The following PRKN variants were observed in gnomAD, a reference collection of about 807,000 sequenced individuals.
PRKN encodes the protein parkin RBR E3 ubiquitin protein ligase.
A neutral mutation model predicts 59.5 loss-of-function variants in PRKN; 56 were observed. The observed-to-expected ratio is 0.94, with a 90% CI of 0.76 to 1.18. The LOEUF (loss-of-function observed/expected upper bound fraction) is 1.18. Among genes scored for constraint, PRKN ranks in the 50% most tolerant of loss-of-function variants. The pLI is 0.00. For synonymous variants in PRKN, 250 were observed against 222.1 expected, an observed-to-expected ratio of 1.13 and a Z score of -1.12; for missense variants, 657 against 596.4, an observed-to-expected ratio of 1.10 and a Z score of -1.06.
chr6:161,867,901 C>T (rs990505577), intron 6 of PRKN, among the ~76,000 whole-genome samples: 4 of 151,882 alleles, frequency 2.6e-5, no homozygotes, highest in African/African-American at 9.7e-5. Flanking sequence ...GCTGGGATTA[C>T]AGGCATGCAC....
chr6:162,530,943 G>A (rs1778485793), intron 1 of PRKN, among the ~76,000 whole-genome samples: 1 of 151,264 alleles, frequency 6.6e-6, no homozygotes, highest in Non-Finnish European at 1.5e-5. Context: ...TGTGGTCCCA[G>A]TTACTTGGTA....
intron 2 of PRKN, among the ~76,000 whole-genome samples, chr6:162,335,685 A>C (rs555954975): frequency 3.3e-5 from 5 of 152,136 alleles, no homozygotes; most frequent in African/African-American, 1.2e-4. Context: ...TAATTACATC[A>C]AACTGCTCTT....
At position 161,593,245 on chromosome 6, in the gene PRKN, T is replaced by A. The variant is rs548935658; in HGVS notation, c.872-23829A>T. ...CATCCCAGGAGCTGTTCCGAGTGCT[T>A]CGCATGGATCACCTCCTTAGTCCTT... On this transcript the variant is annotated intron_variant, in intron 7 of 11. Transcript: ENST00000366898. The surrounding 1 kb of genome is among the most constrained non-coding windows in gnomAD (Gnocchi z 4.8). Among the ~76,000 whole-genome samples the A allele has an allele frequency of 6.6e-6, 1 of 152,348 alleles. No homozygotes were observed. The highest frequency in any genetic ancestry group is 6.5e-5 in the Admixed American group (1 of 15,306).
chr6:162,616,559 A>C (rs923151938), intron 1 of PRKN, among the ~76,000 whole-genome samples: 1 of 152,118 alleles, frequency 6.6e-6, no homozygotes, highest in African/African-American at 2.4e-5. Flanking sequence ...CTCACTACAC[A>C]GTTTTTACAC....
intron 2 of PRKN, among the ~76,000 whole-genome samples, chr6:162,367,854 A>T (rs1785537271): frequency 1.3e-5 from 2 of 152,188 alleles, no homozygotes; most frequent in Non-Finnish European, 2.9e-5. Context: ...AGGACTCAGG[A>T]AACTCAAGAA....
chr6:162,278,967 A>AAAT (rs1554294656), intron 2 of PRKN, among the ~76,000 whole-genome samples: 1 of 152,084 alleles, frequency 6.6e-6, no homozygotes, highest in African/African-American at 2.4e-5. Flanking sequence ...TTTTTAAAAA[A>AAAT]TTTTTTAAAG....
At chr6:162,437,170 C>G (rs1304353085) in intron 2 of PRKN, among the ~76,000 whole-genome samples, 1 of 152,164 alleles carries the variant, frequency 6.6e-6, no homozygotes, top group Admixed American at 6.5e-5. Context: ...TCACCCTGTA[C>G]TCTTAGTATG....
rs1016141162 is a variant in PRKN at position 161,424,820 on chromosome 6, C to T, written c.1084-37943G>A. ...AATGCATGTTCCTTATTCTGCAGTA[C>T]CTGGAAGGGCTTTTGGTGTGTGACA... On this transcript the variant is annotated intron_variant, in intron 9 of 11. Transcript: ENST00000366898. Among the ~76,000 whole-genome samples the T allele has an allele frequency of 4.6e-5, 7 of 152,050 alleles. No homozygotes were observed. In the East Asian group the frequency reaches 1.3e-3, roughly 29 times the overall value.
At chr6:162,219,794 T>C (rs570592969) in intron 3 of PRKN, among the ~76,000 whole-genome samples, 1 of 152,268 alleles carries the variant, frequency 6.6e-6, no homozygotes, top group Admixed American at 6.5e-5. Context: ...GAAATAGGGC[T>C]AATAGTATTT....
intron 1 of PRKN, among the ~76,000 whole-genome samples, chr6:162,606,659 A>G (rs1381592339): frequency 2.6e-5 from 4 of 152,148 alleles, no homozygotes; most frequent in African/African-American, 9.7e-5. Context: ...TAGATTTGAT[A>G]TTGACATGAG....
chr6:161,453,087 A>G (rs1789814309), intron 9 of PRKN, among the ~76,000 whole-genome samples: 2 of 152,184 alleles, frequency 1.3e-5, no homozygotes. Context: ...CATTTTTGAT[A>G]GTTGCAAATT....
In PRKN at chr6:161,609,266, T is replaced by C. The variant is rs562776154; in HGVS notation, c.872-39850A>G. On this transcript the variant is annotated intron_variant, in intron 7 of 11. Transcript: ENST00000366898. ...ATACATGTACAAGGGGGATAAATAATGAAAAAGTGTCTCATATATTTCTAC... is the reference window on the plus strand; with the variant it reads ...ATACATGTACAAGGGGGATAAATAACGAAAAAGTGTCTCATATATTTCTAC... Among the ~76,000 whole-genome samples the C allele has an allele frequency of 1.0e-3, 157 of 152,310 alleles. 1 individual carries two copies. Among genetic ancestry groups the C allele is most frequent in the Non-Finnish European group, 2.0e-3 (138 of 68,020 alleles).
intron 2 of PRKN, among the ~76,000 whole-genome samples, chr6:162,417,673 T>C (rs1388815853): frequency 6.6e-6 from 1 of 152,214 alleles, no homozygotes; most frequent in Non-Finnish European, 1.5e-5. Flanking sequence ...GGAACCTCCC[T>C]GTGCCCGACT....
chr6:161,980,548 G>A lies in PRKN; in HGVS notation c.619-7131C>T, dbSNP rs139799375. 3.8e-3 allele frequency among the ~76,000 whole-genome samples: 579 copies of A among 152,286 alleles called. 5 individuals are homozygous for A. The highest frequency in any genetic ancestry group is 0.013 in the African/African-American group (545 of 41,556). ...AGAAAGGAAGCCACTTGAGATTAGC[G>A]TCATTATTGCACAGCTGCCATCTGG... On this transcript the variant is annotated intron_variant, in intron 5 of 11. Transcript: ENST00000366898.
At chr6:161,734,613 C>A (rs191833004) in intron 7 of PRKN, among the ~76,000 whole-genome samples, 1 of 152,166 alleles carries the variant, frequency 6.6e-6, no homozygotes, top group Non-Finnish European at 1.5e-5. Context: ...AAAATGAATA[C>A]AGTGACTAAT....
intron 10 of PRKN, among the ~76,000 whole-genome samples, chr6:161,380,875 G>A (rs982985199): frequency 1.3e-5 from 2 of 152,150 alleles, no homozygotes; most frequent in African/African-American, 4.8e-5. Context: ...CATTTCTGCT[G>A]GGTAAACATG....
intron 9 of PRKN, among the ~76,000 whole-genome samples, chr6:161,426,392 G>C (rs1043411138): frequency 2.0e-5 from 3 of 152,108 alleles, no homozygotes; most frequent in African/African-American, 4.8e-5. Flanking sequence ...CTTAATCTGA[G>C]TGGACACCAT....
intron 2 of PRKN, among the ~76,000 whole-genome samples, chr6:162,313,609 T>G (rs943235422): frequency 1.3e-5 from 2 of 152,096 alleles, no homozygotes; most frequent in Admixed American, 1.3e-4. Flanking sequence ...TGTCTCAGCC[T>G]CCCAAGTAGC....
At chr6:161,559,360 GTA>G (rs1780368023) in intron 8 of PRKN, among the ~76,000 whole-genome samples, 1 of 152,196 alleles carries the variant, frequency 6.6e-6, no homozygotes, top group African/African-American at 2.4e-5. Context: ...AGAGACTCCT[GTA>G]GACTATGGAA....
Sources: allele counts gnomAD v4.1 joint callset (sites outside exome capture counted in the v4.1 genomes callset), GRCh38; gene constraint gnomAD v4.1.1; non-coding constraint Gnocchi (gnomAD v3.1); transcripts MANE v1.5; gene names NCBI Gene and HGNC (gene_info 2026-07-23, HGNC 2026-07-21).